DPYD: variants seen among roughly 807,000 people sequenced by gnomAD.
DPYD encodes the protein dihydropyrimidine dehydrogenase [NADP(+)].
DPYD carries 109 observed loss-of-function variants against 116.2 expected under a neutral mutation model. The ratio of observed to expected loss-of-function variants is 0.94; its 90% CI spans 0.80 to 1.10. DPYD has a LOEUF of 1.10. DPYD is among the 50% of genes least tolerant of loss of function. The pLI is 0.00. For synonymous variants in DPYD, 440 were observed against 432.0 expected (o/e 1.02, Z -0.23); for missense variants, 1,302 against 1,254.5 (o/e 1.04, Z -0.57).
chr1:97,080,471 G>C (rs1364542161), intron 22 of DPYD, among the ~76,000 whole-genome samples: 2 of 151,928 alleles, frequency 1.3e-5, no homozygotes, highest in Non-Finnish European at 2.9e-5. Flanking sequence ...TATTTTCAGA[G>C]TAAATCATGA....
chr1:97,479,942 T>C (rs891089589), intron 13 of DPYD, among the ~76,000 whole-genome samples: 1 of 152,212 alleles, frequency 6.6e-6, no homozygotes, highest in Non-Finnish European at 1.5e-5. Flanking sequence ...GGAGAGACCA[T>C]TTGACTTACA....
At chr1:97,396,585 G>T (rs2101619688) in intron 14 of DPYD, among the ~76,000 whole-genome samples, 1 of 152,016 alleles carries the variant, frequency 6.6e-6, no homozygotes, top group Non-Finnish European at 1.5e-5. Flanking sequence ...GGAACCAATG[G>T]GATGATTCAC....
At chr1:97,584,553 G>GT (rs1653946131) in intron 10 of DPYD, among the ~76,000 whole-genome samples, 1 of 151,882 alleles carries the variant, frequency 6.6e-6, no homozygotes, top group Non-Finnish European at 1.5e-5. Flanking sequence ...GGTCTAACAT[G>GT]TAAGTCTTTA....
chr1:97,395,882 G>A (rs1198106148), intron 14 of DPYD, among the ~76,000 whole-genome samples: 4 of 151,946 alleles, frequency 2.6e-5, no homozygotes, highest in African/African-American at 9.7e-5. Context: ...ACACAGACAA[G>A]CCATCCAGCT....
At chr1:97,637,470 C>T (rs1294006489) in intron 8 of DPYD, among the ~76,000 whole-genome samples, 1 of 151,758 alleles carries the variant, frequency 6.6e-6, no homozygotes, top group Non-Finnish European at 1.5e-5. Context: ...CCCCCAGACA[C>T]TGAACATAAG....
chr1:97,696,619 A>T (rs74675134), intron 6 of DPYD, among the ~76,000 whole-genome samples: 16,221 of 151,954 alleles, frequency 0.11, 939 homozygotes, highest in African/African-American at 0.12. Context: ...AAAAAAAAAA[A>T]TTTCTTGTAA....
intron 19 of DPYD, among the ~76,000 whole-genome samples, chr1:97,208,831 T>C (rs985938058): frequency 6.6e-6 from 1 of 152,236 alleles, no homozygotes; most frequent in African/African-American, 2.4e-5. Context: ...ATAAGAATTA[T>C]TAAGTACTGT....
chr1:97,133,832 T>C (rs745676911), intron 20 of DPYD, among the ~76,000 whole-genome samples: 3 of 150,864 alleles, frequency 2.0e-5, no homozygotes, highest in Non-Finnish European at 4.4e-5. Flanking sequence ...ATCCCGTCTC[T>C]ACTAAAAATA....
In DPYD at chr1:97,679,186, T is replaced by C. The variant is rs757576626; in HGVS notation, c.763-4A>G. On this transcript the variant is annotated splice_region_variant and splice_polypyrimidine_tract_variant and intron_variant, in intron 7 of 22. Transcript: ENST00000370192. ...AAAGGCTTTTACCGCAAATTATCTATAAGAAACAATATTTTGCATAAGAAA... is the reference window on the plus strand; with the variant it reads ...AAAGGCTTTTACCGCAAATTATCTACAAGAAACAATATTTTGCATAAGAAA... 1.3e-6 allele frequency: 2 copies of C among 1,493,670 alleles called. No individual in the cohort carries two copies. Among genetic ancestry groups the C allele is most frequent in the Admixed American group, 3.5e-5 (2 of 56,864 alleles). 92.5% of individuals were successfully genotyped at this position (1,493,670 alleles called of 1,614,324 possible).
intron 18 of DPYD, among the ~76,000 whole-genome samples, chr1:97,277,378 AAAAAAAGAGAACAC>A (rs1665006842): frequency 6.6e-6 from 1 of 152,036 alleles, no homozygotes; most frequent in African/African-American, 2.4e-5. Context: ...GAAATTAAAA[AAAAAAAGAGAACAC>A]AAAAAACACA....
chr1:97,688,966 A>T (rs1413237632), intron 7 of DPYD, among the ~76,000 whole-genome samples: 1 of 151,960 alleles, frequency 6.6e-6, no homozygotes, highest in Non-Finnish European at 1.5e-5. Context: ...TTAACTTTTT[A>T]AATTAATAAA....
intron 8 of DPYD, among the ~76,000 whole-genome samples, chr1:97,622,602 C>T (rs2811192): frequency 0.94 from 143,120 of 152,064 alleles, 67,679 homozygotes; most frequent in Non-Finnish European, 0.99. Flanking sequence ...CGTATTAATT[C>T]TGGTTCATTA....
At chr1:97,427,365 T>C (rs1237274479) in intron 14 of DPYD, among the ~76,000 whole-genome samples, 2 of 152,038 alleles carry the variant, frequency 1.3e-5, no homozygotes, top group African/African-American at 4.8e-5. Context: ...CCTGGCCAAA[T>C]GACTGACATT....
chr1:97,389,432 T>TTAAC (rs10631564), intron 14 of DPYD, among the ~76,000 whole-genome samples: 38,037 of 151,750 alleles, frequency 0.25, 5,025 homozygotes, highest in South Asian at 0.42. Context: ...AAAAATATGA[T>TTAAC]TAGTAAAAAT....
chr1:97,477,604 CTTTTTTTTTTTTT>C (rs56199931), intron 13 of DPYD, among the ~76,000 whole-genome samples: 13 of 113,658 alleles, frequency 1.1e-4, no homozygotes, highest in Non-Finnish European at 1.3e-4. Context: ...GACTGTTCTT[CTTTTTTTTTTTTT>C]TTTTTTTTTT....
chr1:97,247,549 G>T (rs956783403), intron 18 of DPYD, among the ~76,000 whole-genome samples: 1 of 152,158 alleles, frequency 6.6e-6, no homozygotes, highest in African/African-American at 2.4e-5. Flanking sequence ...GTAGTGATTT[G>T]TATAGCCACT....
intron 5 of DPYD, among the ~76,000 whole-genome samples, chr1:97,713,161 T>C (rs1474619187): frequency 6.6e-6 from 1 of 152,148 alleles, no homozygotes. Flanking sequence ...GTGATTCATG[T>C]TGATACAATA....
intron 15 of DPYD, among the ~76,000 whole-genome samples, chr1:97,375,446 A>G (rs1671559136): frequency 6.6e-6 from 1 of 152,174 alleles, no homozygotes. Context: ...TCTTCTGCAC[A>G]TTTGTTAAAG....
At chr1:97,253,080 G>T (rs1428731213) in intron 18 of DPYD, among the ~76,000 whole-genome samples, 2 of 152,092 alleles carry the variant, frequency 1.3e-5, no homozygotes, top group Non-Finnish European at 2.9e-5. Context: ...AACATATTAT[G>T]ATTGCCAAAA....
Sources: gnomAD v4.1 joint callset for allele counts (sites outside exome capture counted in the v4.1 genomes callset) on GRCh38, gnomAD v4.1.1 for gene constraint, MANE v1.5 for transcripts, NCBI Gene and HGNC (gene_info 2026-07-23, HGNC 2026-07-21) for gene names.